HNMT: variants seen among roughly 807,000 people sequenced by gnomAD.
HNMT encodes histamine N-methyltransferase.
In HNMT, 30 loss-of-function variants were observed where a neutral mutation model predicts 32.1. The observed-to-expected ratio is 0.93, with a 90% CI of 0.70 to 1.27. HNMT has a LOEUF of 1.27. HNMT is among the 50% of genes most tolerant of loss of function. HNMT has a pLI of 0.00. For missense variants in HNMT, 327 were observed against 346.0 expected, an observed-to-expected ratio of 0.95 and a Z score of 0.43; for synonymous variants, 125 against 119.0, an observed-to-expected ratio of 1.05 and a Z score of -0.33.
chr2:137,990,357 T>C (rs1680781644), intron 2 of HNMT, among the ~76,000 whole-genome samples: 1 of 152,182 alleles, frequency 6.6e-6, no homozygotes, highest in Admixed American at 6.5e-5. Context: ...TGCTCCATTG[T>C]ATTGCCTTTG....
intron 5 of HNMT, among the ~76,000 whole-genome samples, chr2:138,012,436 A>G (rs1204933715): frequency 6.6e-6 from 1 of 152,112 alleles, no homozygotes; most frequent in Non-Finnish European, 1.5e-5. Context: ...AAACTTGGGG[A>G]CAAGATTTAT....
chr2:137,992,889 G>A (rs1037739544), intron 2 of HNMT, among the ~76,000 whole-genome samples: 32 of 152,140 alleles, frequency 2.1e-4, no homozygotes, highest in Admixed American at 7.2e-4. Flanking sequence ...GCACAGCAGC[G>A]AATCAGATAA....
At chr2:137,976,002 C>T (rs920376309) in intron 2 of HNMT, among the ~76,000 whole-genome samples, 2 of 152,302 alleles carry the variant, frequency 1.3e-5, no homozygotes, top group Non-Finnish European at 1.5e-5. Context: ...CCTGGTGGCT[C>T]ACGCCTGTAA....
intron 2 of HNMT, among the ~76,000 whole-genome samples, chr2:137,979,934 C>T (rs770846544): frequency 3.3e-5 from 5 of 152,118 alleles, no homozygotes; most frequent in Non-Finnish European, 5.9e-5. Context: ...TCCGGCCTCT[C>T]CTTCATCTCC....
At chr2:138,001,446 C>T (rs765352878) in intron 3 of HNMT, among the ~76,000 whole-genome samples, 4 of 152,172 alleles carry the variant, frequency 2.6e-5, no homozygotes, top group Non-Finnish European at 4.4e-5. Flanking sequence ...AATCAACCTG[C>T]CATGTGCCAC....
rs73961916 is a variant in HNMT at position 137,999,506 on chromosome 2, G to T, written c.191-1412G>T. On this transcript the variant is annotated intron_variant, in intron 2 of 5. Coordinates refer to ENST00000280097, the MANE Select transcript of HNMT (RefSeq NM_006895.3). ...GTCTTTTCCCAGTCTAGCATCTTCT[G>T]TTCCTGGTTTATCTTCCTCATCTCT... is the stretch of plus-strand genomic sequence containing the variant. 1.0e-2 allele frequency among the ~76,000 whole-genome samples: 1,520 copies of T among 152,172 alleles called. 29 individuals carry two copies. Among genetic ancestry groups the T allele is most frequent in the African/African-American group, 0.035 (1,465 of 41,534 alleles).
chr2:137,995,391 T>C (rs1272969336), intron 2 of HNMT, among the ~76,000 whole-genome samples: 1 of 152,130 alleles, frequency 6.6e-6, no homozygotes, highest in Non-Finnish European at 1.5e-5. Flanking sequence ...TAAACACCTC[T>C]ACACAAATAA....
intron 2 of HNMT, chr2:137,981,451 T>C (rs370552711): frequency 9.1e-5 from 115 of 1,267,370 alleles, no homozygotes; most frequent in Admixed American, 5.8e-4. Context: ...CAGTTGAAAA[T>C]TGCAAAGTCT....
chr2:137,978,815 T>C (rs1281197288), intron 2 of HNMT, among the ~76,000 whole-genome samples: 1 of 139,610 alleles, frequency 7.2e-6, no homozygotes, highest in Non-Finnish European at 1.5e-5. Flanking sequence ...TAGTATTATA[T>C]AATACTTTAT....
chr2:137,968,947 C>G (rs1420805117), intron 1 of HNMT, among the ~76,000 whole-genome samples: 1 of 152,190 alleles, frequency 6.6e-6, no homozygotes, highest in Non-Finnish European at 1.5e-5. Context: ...TTTTCCTTCT[C>G]TCTTTCACCC....
intron 5 of HNMT, among the ~76,000 whole-genome samples, chr2:138,008,975 G>A (rs1011571481): frequency 2.6e-5 from 4 of 151,834 alleles, no homozygotes; most frequent in African/African-American, 4.8e-5. Context: ...GACAACCTAC[G>A]GAATGGTAGA....
At chr2:137,982,688 T>C (rs1027366177) in intron 2 of HNMT, among the ~76,000 whole-genome samples, 4 of 152,238 alleles carry the variant, frequency 2.6e-5, no homozygotes, top group Admixed American at 2.6e-4. Context: ...CTAAAATTTA[T>C]TGAATTTTTA....
At chr2:137,973,679 T>G (rs536225105) in intron 2 of HNMT, among the ~76,000 whole-genome samples, 2 of 152,284 alleles carry the variant, frequency 1.3e-5, no homozygotes, top group Middle Eastern at 3.4e-3. Flanking sequence ...GTGCTACCAC[T>G]TCTCCCACCG....
At chr2:138,002,301 G>A in intron 4 of HNMT, 107 bp downstream of exon 4, 1 of 1,116,564 alleles carries the variant, frequency 9.0e-7, no homozygotes, top group Non-Finnish European at 1.2e-6. Flanking sequence ...AAAATCTTCT[G>A]ATTTCTAATT....
rs573263212 is a variant in HNMT, at chr2:137,979,898, C to T, written c.190+9681C>T. 3.7e-4 allele frequency among the ~76,000 whole-genome samples: 57 copies of T among 152,250 alleles called. No homozygotes were observed. In the South Asian group the frequency reaches 5.4e-3, roughly 14 times the overall value. On this transcript the variant is annotated intron_variant, in intron 2 of 5. Transcript: ENST00000280097. ...AAAAACAAAACTATAATTTTATATA[C>T]GAGAGATGATGGTAAGGACTAGACC... is the stretch of plus-strand genomic sequence containing the variant.
intron 2 of HNMT, among the ~76,000 whole-genome samples, chr2:137,997,825 T>C (rs1681041687): frequency 6.6e-6 from 1 of 152,136 alleles, no homozygotes; most frequent in Non-Finnish European, 1.5e-5. Context: ...ATACACCATG[T>C]TATACTGTAA....
intron 2 of HNMT, among the ~76,000 whole-genome samples, chr2:137,987,601 C>CTTTTTT (rs5834598): frequency 1.4e-4 from 10 of 70,282 alleles, no homozygotes; most frequent in East Asian, 5.5e-4. Context: ...ACAATGGCCA[C>CTTTTTT]TTTTTTTTTT....
chr2:137,986,413 C>T (rs1446027872), intron 2 of HNMT, among the ~76,000 whole-genome samples: 1 of 152,092 alleles, frequency 6.6e-6, no homozygotes, highest in East Asian at 1.9e-4. Flanking sequence ...GGCCTGAAGG[C>T]TTGAGACTCA....
intron 2 of HNMT, among the ~76,000 whole-genome samples, chr2:137,999,550 G>C (rs1283032276): frequency 1.3e-5 from 2 of 152,104 alleles, no homozygotes; most frequent in East Asian, 3.8e-4. Context: ...AGACCTCCCA[G>C]TCTTATGACC....
Sources: allele counts gnomAD v4.1 joint callset (sites outside exome capture counted in the v4.1 genomes callset), GRCh38; gene constraint gnomAD v4.1.1; transcripts MANE v1.5; gene names NCBI Gene and HGNC (gene_info 2026-07-23, HGNC 2026-07-21).